Variants in RSU1 observed in about 807,000 individuals in gnomAD.
RSU1 encodes Ras suppressor protein 1, also known as rsu-1.
In RSU1, 26 loss-of-function variants were observed where a neutral mutation model predicts 31.1. That is an observed-to-expected ratio of 0.84 (90% CI 0.61 to 1.16). RSU1 has a LOEUF of 1.16. Ranked by LOEUF, RSU1 falls within the 50% of genes most tolerant of loss-of-function variation. The probability of loss-of-function intolerance (pLI) is 0.00; values close to 1 mark genes in which losing one functional copy is unlikely to be tolerated. For synonymous variants in RSU1, 164 were observed against 136.3 expected (o/e 1.20, Z -1.41); for missense variants, 320 against 339.1 (o/e 0.94, Z 0.44).
At chr10:16,630,040 G>T (rs951603240) in intron 8 of RSU1, among the ~76,000 whole-genome samples, 1 of 152,070 alleles carries the variant, frequency 6.6e-6, no homozygotes, top group Non-Finnish European at 1.5e-5. Flanking sequence ...ATTTATGGAT[G>T]CTCTTTGTTT....
At chr10:16,774,950 AGGAGGCTTGC>A (rs1428004046) in intron 3 of RSU1, among the ~76,000 whole-genome samples, 1 of 152,104 alleles carries the variant, frequency 6.6e-6, no homozygotes, top group Non-Finnish European at 1.5e-5. Context: ...ACATCTATCT[AGGAGGCTTGC>A]TTGAGCCCAG....
rs1303930266 is a variant in RSU1, at chr10:16,695,958, C to T, written c.599-803G>A. Reference sequence around the variant, plus strand: ...GTAGCATAAAAAAGCCAGCAAGCACCCCTCATCTGGATATCCTCTGTTAAT... The same window carrying T: ...GTAGCATAAAAAAGCCAGCAAGCACTCCTCATCTGGATATCCTCTGTTAAT... On this transcript the variant is annotated intron_variant, in intron 7 of 8. Transcript: ENST00000345264. Among the ~76,000 whole-genome samples the T allele has an allele frequency of 3.9e-5, 6 of 152,118 alleles. No homozygotes were observed. The East Asian group carries it at 1.2e-3, about 29-fold the overall frequency.
In RSU1 at chr10:16,606,655, T is replaced by G. The variant is rs576222178; in HGVS notation, c.732-13159A>C. On this transcript the variant is annotated intron_variant, in intron 8 of 8. Transcript: ENST00000345264. ...CTGCCACGTTGTATATACTAAGTCA[T>G]TGAAGCCTTAAGCAATATCACGTGA... Among the ~76,000 whole-genome samples the G allele has an allele frequency of 3.3e-5, 5 of 152,290 alleles. No homozygotes were observed. In the South Asian group the frequency reaches 8.3e-4, roughly 25 times the overall value.
chr10:16,626,520 C>T (rs1054809450), intron 8 of RSU1, among the ~76,000 whole-genome samples: 4 of 152,136 alleles, frequency 2.6e-5, no homozygotes, highest in Admixed American at 1.3e-4. Context: ...TAAGCCTACT[C>T]GGGCTCTTCT....
intron 3 of RSU1, among the ~76,000 whole-genome samples, chr10:16,768,018 T>C (rs1417094815): frequency 6.6e-6 from 1 of 152,246 alleles, no homozygotes; most frequent in East Asian, 1.9e-4. Flanking sequence ...TTTCTAGATA[T>C]CTACAGGATG....
chr10:16,701,393 A>G (rs1835789955), intron 7 of RSU1, among the ~76,000 whole-genome samples: 2 of 152,192 alleles, frequency 1.3e-5, no homozygotes, highest in Non-Finnish European at 2.9e-5. Flanking sequence ...TACATCATCA[A>G]CGCAATGTAA....
At chr10:16,710,888 C>T (rs1836004250) in intron 7 of RSU1, among the ~76,000 whole-genome samples, 1 of 152,146 alleles carries the variant, frequency 6.6e-6, no homozygotes, top group African/African-American at 2.4e-5. Context: ...CATTGTTCAA[C>T]TCCCACTTAT....
At chr10:16,777,240 T>C (rs950940709) in intron 3 of RSU1, among the ~76,000 whole-genome samples, 1 of 151,992 alleles carries the variant, frequency 6.6e-6, no homozygotes, top group Admixed American at 6.6e-5. Context: ...GTTACATAAA[T>C]ACTTCAAACT....
chr10:16,612,508 A>C (rs989124163), intron 8 of RSU1, among the ~76,000 whole-genome samples: 1 of 152,252 alleles, frequency 6.6e-6, no homozygotes, highest in Non-Finnish European at 1.5e-5. Context: ...GGGACTGAGT[A>C]TATCTTCAGT....
chr10:16,604,081 T>A (rs887762076), intron 8 of RSU1, among the ~76,000 whole-genome samples: 1 of 152,182 alleles, frequency 6.6e-6, no homozygotes. Flanking sequence ...TATATTAACA[T>A]GACCTGCTTC....
chr10:16,804,844 G>A (rs1015361371), intron 2 of RSU1, among the ~76,000 whole-genome samples: 1 of 152,192 alleles, frequency 6.6e-6, no homozygotes, highest in Admixed American at 6.5e-5. Flanking sequence ...AGGGGATGAA[G>A]AGGTAAAGCA....
intron 3 of RSU1, among the ~76,000 whole-genome samples, chr10:16,765,036 A>C (rs187425557): frequency 6.6e-6 from 1 of 152,204 alleles, no homozygotes; most frequent in Non-Finnish European, 1.5e-5. Flanking sequence ...TCTGTACCAC[A>C]AACAGTCTAT....
chr10:16,714,756 A>C (rs79894667), intron 7 of RSU1, among the ~76,000 whole-genome samples: 2 of 152,110 alleles, frequency 1.3e-5, no homozygotes, highest in African/African-American at 4.8e-5. Context: ...GAAAAGAGTC[A>C]ATTGCTACTG....
intron 7 of RSU1, among the ~76,000 whole-genome samples, chr10:16,703,228 T>C (rs1249455813): frequency 6.6e-6 from 1 of 152,198 alleles, no homozygotes; most frequent in Non-Finnish European, 1.5e-5. Flanking sequence ...CTCTGTTCTT[T>C]ATAAATTACC....
chr10:16,775,989 TC>T (rs1178428169), intron 3 of RSU1, among the ~76,000 whole-genome samples: 2 of 152,158 alleles, frequency 1.3e-5, no homozygotes, highest in Admixed American at 1.3e-4. Context: ...TTTTACATAT[TC>T]CCCCCTCATG....
chr10:16,676,913 A>T (rs542818988), intron 8 of RSU1, among the ~76,000 whole-genome samples: 3 of 152,286 alleles, frequency 2.0e-5, no homozygotes, highest in Non-Finnish European at 4.4e-5. Context: ...CTAAATTAGA[A>T]TCAGGGTGAA....
At chr10:16,695,918 G>C (rs969946418) in intron 7 of RSU1, among the ~76,000 whole-genome samples, 1 of 152,070 alleles carries the variant, frequency 6.6e-6, no homozygotes, top group Non-Finnish European at 1.5e-5. Context: ...TTTAGATAAG[G>C]TTGATTTAAT....
chr10:16,602,715 T>C (rs1265766785), intron 8 of RSU1, among the ~76,000 whole-genome samples: 1 of 152,196 alleles, frequency 6.6e-6, no homozygotes, highest in African/African-American at 2.4e-5. Context: ...GGTGTTTCCA[T>C]GGCAAGTCCT....
chr10:16,808,893 G>C (rs907906629), intron 2 of RSU1, among the ~76,000 whole-genome samples: 1 of 152,172 alleles, frequency 6.6e-6, no homozygotes, highest in Non-Finnish European at 1.5e-5. Flanking sequence ...AGGGACAGCA[G>C]GGATGCAGAG....
Sources: allele counts gnomAD v4.1 joint callset (sites outside exome capture counted in the v4.1 genomes callset), GRCh38; gene constraint gnomAD v4.1.1; transcripts MANE v1.5; gene names NCBI Gene and HGNC (gene_info 2026-07-23, HGNC 2026-07-21).